Variants in PTPN2 observed in about 807,000 individuals in gnomAD.
The protein encoded by PTPN2 is protein tyrosine phosphatase non-receptor type 2.
A neutral mutation model predicts 57.3 loss-of-function variants in PTPN2; 19 were observed. The observed-to-expected ratio is 0.33, with a 90% CI of 0.23 to 0.49. PTPN2 has a LOEUF of 0.49. Among genes scored for constraint, PTPN2 ranks in the 20% least tolerant of loss-of-function variants. The probability of loss-of-function intolerance (pLI) is 0.99; values close to 1 mark genes in which losing one functional copy is unlikely to be tolerated. For synonymous variants in PTPN2, 153 were observed against 164.9 expected (o/e 0.93, Z 0.55); for missense variants, 358 against 501.1 (o/e 0.71, Z 2.73).
At chr18:12,865,383 C>T (rs2043955361) in intron 1 of PTPN2, among the ~76,000 whole-genome samples, 6 of 151,358 alleles carry the variant, frequency 4.0e-5, no homozygotes, top group Non-Finnish European at 7.4e-5. Context: ...TGCAGTAAGC[C>T]GTGATCACGC....
At chr18:12,820,342 C>G (rs1275672388) in intron 5 of PTPN2, among the ~76,000 whole-genome samples, 1 of 151,946 alleles carries the variant, frequency 6.6e-6, no homozygotes, top group South Asian at 2.1e-4. Flanking sequence ...TAAAAAAACA[C>G]AGCTTTCCAA....
chr18:12,836,393 G>A (rs2145396782), intron 3 of PTPN2, among the ~76,000 whole-genome samples: 1 of 152,334 alleles, frequency 6.6e-6, no homozygotes, highest in East Asian at 1.9e-4. Context: ...TGTACTCTCT[G>A]AAGATATATG....
At chr18:12,884,028 G>A (rs369266593) in intron 1 of PTPN2, 45 bp downstream of exon 1, 4 of 1,514,030 alleles carry the variant, frequency 2.6e-6, no homozygotes, top group East Asian at 2.5e-5. Context: ...CACGAGTCCG[G>A]GTCTCGGAGG....
rs1296589139 is a variant in PTPN2, at chr18:12,814,327, T to A, written c.734A>T (p.Lys245Ile). ...LMEKGDDINI[K>I]QVLLNMRKYR... ...TTTTCTCATGTTCAGTAACACTTGT[T>A]TTATGTTAATATCATCTCCTTTTTC... is the stretch of plus-strand genomic sequence containing the variant. The change falls in exon 7 of 9, where the codon AAA (lysine) becomes ATA (isoleucine). Residue 245 changes from lysine (K) to isoleucine (I), a missense_variant. By Grantham distance (102) the Lys-to-Ile change is moderately radical. Coordinates refer to ENST00000309660, the MANE Select transcript of PTPN2 (RefSeq NM_002828.4). 4 of 1,602,732 alleles carry A rather than the reference T, an allele frequency of 2.5e-6. No individual in the cohort carries two copies. Among genetic ancestry groups the A allele is most frequent in the Non-Finnish European group, 3.4e-6 (4 of 1,177,022 alleles).
At chr18:12,825,719 C>T (rs2042426647) in intron 5 of PTPN2, 91 bp downstream of exon 5, 4 of 1,267,280 alleles carry the variant, frequency 3.2e-6, no homozygotes, top group Non-Finnish European at 4.4e-6. Flanking sequence ...TATCCAAATG[C>T]ATGTGCTTAT....
chr18:12,815,002 T>C (rs1003283032), intron 6 of PTPN2, among the ~76,000 whole-genome samples: 2 of 151,944 alleles, frequency 1.3e-5, no homozygotes, highest in African/African-American at 4.8e-5. Flanking sequence ...GAGAATCGCC[T>C]GAACCCAGGA....
At chr18:12,860,212 C>T (rs2043748086) in intron 1 of PTPN2, among the ~76,000 whole-genome samples, 1 of 151,452 alleles carries the variant, frequency 6.6e-6, no homozygotes. Context: ...TTGCTTGAAC[C>T]CGGGAGGTGG....
intron 5 of PTPN2, among the ~76,000 whole-genome samples, chr18:12,819,549 A>G (rs930247266): frequency 3.9e-5 from 6 of 152,068 alleles, no homozygotes; most frequent in African/African-American, 1.4e-4. Context: ...AGGTGACAGA[A>G]CCGATCTATG....
intron 2 of PTPN2, among the ~76,000 whole-genome samples, chr18:12,854,135 G>A (rs1457735377): frequency 2.0e-5 from 3 of 152,070 alleles, no homozygotes; most frequent in Non-Finnish European, 4.4e-5. Flanking sequence ...GAGGCAGGTG[G>A]ACTACATGAG....
At chr18:12,882,269 G>T (rs186465833) in intron 1 of PTPN2, among the ~76,000 whole-genome samples, 1 of 152,116 alleles carries the variant, frequency 6.6e-6, no homozygotes. Flanking sequence ...TTTCAACTAG[G>T]AAAAAATAAT....
rs1006256466 is a variant in PTPN2, at chr18:12,873,963, G to A, written c.69+10110C>T. On this transcript the variant is annotated intron_variant, in intron 1 of 8. Transcript: ENST00000309660. ...CGACCCCGTCTGGGAGGTGAGGAGC[G>A]TCTCTGCCCAGCCGCCCCATCTGAG... Among the ~76,000 whole-genome samples the A allele has an allele frequency of 1.9e-3, 281 of 151,360 alleles. 1 individual carries two copies. The highest frequency in any genetic ancestry group is 5.8e-3 in the African/African-American group (238 of 41,080).
intron 2 of PTPN2, among the ~76,000 whole-genome samples, chr18:12,841,597 G>A (rs2043048391): frequency 6.6e-6 from 1 of 152,216 alleles, no homozygotes; most frequent in African/African-American, 2.4e-5. Context: ...CATTTGGTAA[G>A]TTCAACCTTT....
At chr18:12,808,426 A>C (rs2041769398) in intron 7 of PTPN2, among the ~76,000 whole-genome samples, 1 of 152,204 alleles carries the variant, frequency 6.6e-6, no homozygotes, top group Non-Finnish European at 1.5e-5. Flanking sequence ...TGGTCATTAC[A>C]TAAATGTATC....
intron 1 of PTPN2, chr18:12,883,707 G>T: frequency 5.3e-6 from 1 of 187,048 alleles, no homozygotes; most frequent in East Asian, 1.3e-4. Flanking sequence ...GCTGCGGCCC[G>T]GGGGCGCGCG....
At chr18:12,872,004 T>C (rs939748140) in intron 1 of PTPN2, among the ~76,000 whole-genome samples, 4 of 151,020 alleles carry the variant, frequency 2.6e-5, no homozygotes, top group African/African-American at 9.7e-5. Flanking sequence ...GCCGAGATCG[T>C]GCCGTAGCAT....
At chr18:12,791,710 G>A (rs955059321), downstream of PTPN2, among the ~76,000 whole-genome samples, 2 of 152,184 alleles carry the variant, frequency 1.3e-5, no homozygotes, top group African/African-American at 4.8e-5. Flanking sequence ...ACTAACCTTA[G>A]AAGTGTACCA....
chr18:12,839,153 A>G (rs929909059), intron 2 of PTPN2, among the ~76,000 whole-genome samples: 14 of 152,300 alleles, frequency 9.2e-5, no homozygotes, highest in African/African-American at 3.4e-4. Context: ...CTTTATGAGA[A>G]ACTGTGACTT....
chr18:12,842,020 C>T (rs1375318425), intron 2 of PTPN2, among the ~76,000 whole-genome samples: 1 of 152,022 alleles, frequency 6.6e-6, no homozygotes, highest in Non-Finnish European at 1.5e-5. Context: ...AATTCTCCTG[C>T]CTCAGCCTCC....
intron 1 of PTPN2, among the ~76,000 whole-genome samples, chr18:12,865,879 G>A (rs561513055): frequency 6.6e-6 from 1 of 151,722 alleles, no homozygotes; most frequent in South Asian, 2.1e-4. Flanking sequence ...AAAAACAAAT[G>A]CTGAACAAAG....
Sources: gnomAD v4.1 joint callset for allele counts (sites outside exome capture counted in the v4.1 genomes callset) on GRCh38, gnomAD v4.1.1 for gene constraint, MANE v1.5 for transcripts, NCBI Gene and HGNC (gene_info 2026-07-23, HGNC 2026-07-21) for gene names.